DGKI: variants seen among roughly 807,000 people sequenced by gnomAD.
DGKI encodes DAG kinase iota.
Under a neutral mutation model 147.5 loss-of-function variants are expected in DGKI, and 55 were observed. The ratio of observed to expected loss-of-function variants is 0.37; its 90% CI spans 0.30 to 0.47. The LOEUF (loss-of-function observed/expected upper bound fraction) is 0.47. DGKI is among the 20% of genes least tolerant of loss of function. The pLI is 1.00. For synonymous variants in DGKI, 469 were observed against 477.1 expected (o/e 0.98, Z 0.22); for missense variants, 1,007 against 1,323.8 (o/e 0.76, Z 3.71).
chr7:137,490,315 G>A (rs566709569), intron 21 of DGKI, among the ~76,000 whole-genome samples: 4 of 152,184 alleles, frequency 2.6e-5, no homozygotes, highest in Admixed American at 6.5e-5. Flanking sequence ...TAAAGACTAC[G>A]GTGTTTAGAA....
rs1324210251 is a variant in DGKI, at chr7:137,387,385, T to C, written c.*3835A>G. The stretch of plus-strand genomic sequence containing the variant: ...GCCATAACAGATCTAAGCCTAGCAA[T>C]GGTGGAAACAAAAAAATAAATGGAA... On this transcript the variant is annotated 3_prime_UTR_variant, in exon 33 of 33. Transcript: ENST00000614521. 1 of 152,116 alleles carries C rather than the reference T, an allele frequency of 6.6e-6. No individual in the cohort carries two copies. Among genetic ancestry groups the C allele is most frequent in the African/African-American group, 2.4e-5 (1 of 41,428 alleles). The allele number at this position is 152,116 out of a possible 1,614,324, so 9.4% of individuals were successfully genotyped here.
At chr7:137,487,217 G>A (rs1815597136) in intron 22 of DGKI, among the ~76,000 whole-genome samples, 1 of 151,808 alleles carries the variant, frequency 6.6e-6, no homozygotes, top group Non-Finnish European at 1.5e-5. Flanking sequence ...TTATTTTTTT[G>A]TTTACAAAAT....
chr7:137,494,297 G>A (rs6467708), intron 21 of DGKI, among the ~76,000 whole-genome samples: 149,215 of 152,292 alleles, frequency 0.98, 73,214 homozygotes, highest in African/African-American at 0.99. Context: ...AGAGGCCAAC[G>A]TTCAAATTCA....
intron 8 of DGKI, among the ~76,000 whole-genome samples, chr7:137,610,509 A>G (rs1820328689): frequency 6.6e-6 from 1 of 152,262 alleles, no homozygotes; most frequent in East Asian, 1.9e-4. Context: ...AGATAAAAAC[A>G]GATTTAATTA....
chr7:137,757,661 G>GA (rs1380478121), intron 1 of DGKI, among the ~76,000 whole-genome samples: 3 of 151,240 alleles, frequency 2.0e-5, no homozygotes, highest in Non-Finnish European at 3.0e-5. Context: ...CTTCCTATTA[G>GA]AAAAAAAAAT....
At chr7:137,464,521 G>A (rs1165810896) in intron 26 of DGKI, among the ~76,000 whole-genome samples, 1 of 152,158 alleles carries the variant, frequency 6.6e-6, no homozygotes, top group Non-Finnish European at 1.5e-5. Context: ...GGGGCTCCCA[G>A]GGGTGCATCA....
At chr7:137,665,068 T>C (rs10235991) in intron 3 of DGKI, among the ~76,000 whole-genome samples, 26,797 of 152,148 alleles carry the variant, frequency 0.18, 7,147 homozygotes, top group African/African-American at 0.58. Context: ...AAGGAGTGGC[T>C]GGGGGCCAGT....
intron 28 of DGKI, among the ~76,000 whole-genome samples, chr7:137,429,448 C>T (rs949689534): frequency 7.3e-5 from 11 of 151,234 alleles, no homozygotes; most frequent in African/African-American, 2.7e-4. Context: ...ACCATAAAAA[C>T]CCTAGAAGAA....
intron 20 of DGKI, among the ~76,000 whole-genome samples, chr7:137,551,979 C>T (rs868778673): frequency 1.3e-5 from 2 of 152,192 alleles, no homozygotes; most frequent in Non-Finnish European, 2.9e-5. Flanking sequence ...AACCAACACT[C>T]TCCAAGCGAC....
chr7:137,470,886 G>A (rs1386332733), intron 23 of DGKI, among the ~76,000 whole-genome samples: 2 of 152,160 alleles, frequency 1.3e-5, no homozygotes, highest in Non-Finnish European at 2.9e-5. Flanking sequence ...GAGATTGCCA[G>A]GACTAGCTTG....
chr7:137,529,923 AT>A (rs996091879), intron 20 of DGKI, among the ~76,000 whole-genome samples: 1 of 152,074 alleles, frequency 6.6e-6, no homozygotes, highest in African/African-American at 2.4e-5. Context: ...TTAATTTTGT[AT>A]TTTAACTAGA....
At chr7:137,809,476 C>T (rs1013801754) in intron 1 of DGKI, among the ~76,000 whole-genome samples, 5 of 152,148 alleles carry the variant, frequency 3.3e-5, no homozygotes, top group African/African-American at 1.2e-4. Context: ...AGGTATCAGC[C>T]TGCAGTCTCG....
At chr7:137,588,636 C>T (rs1038359511) in intron 12 of DGKI, among the ~76,000 whole-genome samples, 5 of 152,042 alleles carry the variant, frequency 3.3e-5, no homozygotes, top group South Asian at 2.1e-4. Context: ...GCCACCACGC[C>T]GGGCGAATTT....
intron 29 of DGKI, among the ~76,000 whole-genome samples, chr7:137,409,902 CTCTT>C (rs1812098877): frequency 1.3e-5 from 2 of 152,260 alleles, no homozygotes; most frequent in Admixed American, 6.5e-5. Flanking sequence ...CTCTCTCTCT[CTCTT>C]TCTCTCCCTC....
At chr7:137,664,442 G>A (rs1386053258) in intron 3 of DGKI, among the ~76,000 whole-genome samples, 11 of 149,364 alleles carry the variant, frequency 7.4e-5, no homozygotes, top group Admixed American at 6.7e-4. Context: ...GAAAAAGAAA[G>A]CATAGAGGCT....
rs373347873 is a variant in DGKI at position 137,604,212 on chromosome 7, A to G, written c.1168-4307T>C. Among the ~76,000 whole-genome samples the G allele has an allele frequency of 2.0e-4, 31 of 152,310 alleles. No individual in the cohort carries two copies. In the East Asian group the frequency reaches 5.2e-3, roughly 26 times the overall value. The stretch of plus-strand genomic sequence containing the variant: ...TGCATTTTGACAAGTGTCCTCGTCT[A>G]CTGACTTCCCTCTGCCCTCTTCCCT... On this transcript the variant is annotated intron_variant, in intron 10 of 32. Coordinates refer to ENST00000614521, the MANE Select transcript of DGKI (RefSeq NM_001321708.2).
At chr7:137,729,690 T>C (rs1330092968) in intron 1 of DGKI, among the ~76,000 whole-genome samples, 1 of 152,072 alleles carries the variant, frequency 6.6e-6, no homozygotes, top group African/African-American at 2.4e-5. Flanking sequence ...CACAAAGTCA[T>C]TATTAACCTT....
intron 27 of DGKI, among the ~76,000 whole-genome samples, chr7:137,447,011 T>G (rs933330937): frequency 1.3e-5 from 2 of 152,266 alleles, no homozygotes; most frequent in African/African-American, 2.4e-5. Context: ...AAACTATTAC[T>G]AGCATTCTTA....
intron 27 of DGKI, among the ~76,000 whole-genome samples, chr7:137,452,079 A>G (rs943080168): frequency 2.6e-5 from 4 of 152,170 alleles, no homozygotes; most frequent in African/African-American, 4.8e-5. Context: ...AACATCTACA[A>G]ATGAATGTCT....
Sources: gnomAD v4.1 joint callset for allele counts (sites outside exome capture counted in the v4.1 genomes callset) on GRCh38, gnomAD v4.1.1 for gene constraint, MANE v1.5 for transcripts, NCBI Gene and HGNC (gene_info 2026-07-23, HGNC 2026-07-21) for gene names.